Variants in APPBP2 observed in about 807,000 individuals in gnomAD.
APPBP2 encodes the protein amyloid beta precursor protein binding protein 2.
A neutral mutation model predicts 76.0 loss-of-function variants in APPBP2; 15 were observed. That is an observed-to-expected ratio of 0.20 (90% CI 0.13 to 0.30). The LOEUF is 0.30. Among genes scored for constraint, APPBP2 ranks in the 10% least tolerant of loss-of-function variants. The pLI, the probability that APPBP2 is intolerant of heterozygous loss-of-function variation, is 1.00. For missense variants in APPBP2, 401 were observed against 687.2 expected (o/e 0.58, Z 4.66); for synonymous variants, 222 against 242.2 (o/e 0.92, Z 0.77).
chr17:60,526,071 G>A lies in APPBP2; in HGVS notation c.-140C>T. 2.6e-6 allele frequency: 2 copies of A among 774,364 alleles called. No individual in the cohort carries two copies. Among genetic ancestry groups the A allele is most frequent in the Non-Finnish European group, 4.1e-6 (2 of 493,264 alleles). 48.0% of individuals were successfully genotyped at this position (774,364 alleles called of 1,614,324 possible). On this transcript the variant is annotated 5_prime_UTR_variant, in exon 1 of 13. Transcript: ENST00000083182. ...CGGGCGCACGGCAGAAGGCACGGCC[G>A]CCCTGCCTCCTCCGGGGGCAAACTG...
At chr17:60,487,962 G>A (rs780681688) in intron 3 of APPBP2, among the ~76,000 whole-genome samples, 8 of 152,324 alleles carry the variant, frequency 5.3e-5, no homozygotes, top group South Asian at 2.1e-4. Context: ...TCCCTCAGCT[G>A]CAGTCTGTTG....
intron 5 of APPBP2, 75 bp downstream of exon 5, chr17:60,466,216 A>G: frequency 7.4e-7 from 1 of 1,356,778 alleles, no homozygotes; most frequent in South Asian, 1.3e-5. Flanking sequence ...GAAAAATAAG[A>G]GAAGACTATT....
Position 60,447,904 on chromosome 17 carries a change from T to A in APPBP2, c.1505-70A>T, listed in dbSNP as rs539517112. 2.2e-6 allele frequency: 3 copies of A among 1,392,888 alleles called. No homozygotes were observed. In the African/African-American group the frequency reaches 4.4e-5, roughly 20 times the overall value. 86.3% of individuals were successfully genotyped at this position (1,392,888 alleles called of 1,614,324 possible). On this transcript the variant is annotated intron_variant, in intron 12 of 12. Transcript: ENST00000083182. ...GAGATAACAAGCAATTTCTATAACA[T>A]GAACACAAGTTCAATTCTTTAAACA...
intron 2 of APPBP2, among the ~76,000 whole-genome samples, chr17:60,497,043 T>G (rs1012440233): frequency 1.3e-5 from 2 of 152,208 alleles, no homozygotes; most frequent in Non-Finnish European, 2.9e-5. Flanking sequence ...TATTATCTTA[T>G]CATCTCTCTC....
chr17:60,520,071 A>G (rs1226263727), intron 1 of APPBP2, among the ~76,000 whole-genome samples: 2 of 152,098 alleles, frequency 1.3e-5, no homozygotes, highest in Non-Finnish European at 1.5e-5. Context: ...GACATAAGCC[A>G]CCATGCCCGG....
chr17:60,468,645 G>A (rs190063749), intron 4 of APPBP2: 1 of 148,354 alleles, frequency 6.7e-6, no homozygotes, highest in East Asian at 1.9e-4. Context: ...TAAACATATG[G>A]AGACTCTTTA....
At position 60,503,590 on chromosome 17, in the gene APPBP2, T is replaced by C. The variant is rs549361535; in HGVS notation, c.139-3103A>G. 6.0e-4 allele frequency among the ~76,000 whole-genome samples: 88 copies of C among 146,192 alleles called. 17 individuals carry two copies. The highest frequency in any genetic ancestry group is 2.4e-3 in the African/African-American group (86 of 35,758). On this transcript the variant is annotated intron_variant, in intron 1 of 12. Transcript: ENST00000083182. Reference sequence around the variant, plus strand: ...TAGTAGAGATGGGGTTTCACCATGTTGGCCAGGCTGGTCTTGAACTCCTGA... The same window carrying C: ...TAGTAGAGATGGGGTTTCACCATGTCGGCCAGGCTGGTCTTGAACTCCTGA...
At chr17:60,479,917 CAACGTAACAGATGAA>C (rs1217205195) in intron 3 of APPBP2, among the ~76,000 whole-genome samples, 1 of 152,130 alleles carries the variant, frequency 6.6e-6, no homozygotes, top group East Asian at 1.9e-4. Flanking sequence ...ATAACTGCCC[CAACGTAACAGATGAA>C]AACACTTGAG....
chr17:60,468,990 C>T (rs527898964), intron 4 of APPBP2, among the ~76,000 whole-genome samples: 14 of 152,142 alleles, frequency 9.2e-5, no homozygotes, highest in South Asian at 2.1e-4. Flanking sequence ...CCAGACATGA[C>T]GAAAGTAAAA....
chr17:60,494,719 A>G, intron 2 of APPBP2, 102 bp from the exon 3 acceptor site: 10 of 1,095,648 alleles, frequency 9.1e-6, no homozygotes, highest in Non-Finnish European at 1.2e-5. Flanking sequence ...ATTATTTTCC[A>G]GGACGGAATA....
chr17:60,508,416 T>C (rs1348632168), intron 1 of APPBP2, among the ~76,000 whole-genome samples: 1 of 152,092 alleles, frequency 6.6e-6, no homozygotes, highest in Non-Finnish European at 1.5e-5. Context: ...AAAATAACTT[T>C]TGGATAAATA....
At chr17:60,488,776 C>G (rs749540890) in intron 3 of APPBP2, among the ~76,000 whole-genome samples, 109 of 152,074 alleles carry the variant, frequency 7.2e-4, no homozygotes, top group Non-Finnish European at 1.4e-3. Flanking sequence ...CTTTCATCTT[C>G]TTTCATACTA....
chr17:60,495,132 G>A (rs1032743316), intron 2 of APPBP2, among the ~76,000 whole-genome samples: 1 of 151,516 alleles, frequency 6.6e-6, no homozygotes, highest in South Asian at 2.1e-4. Context: ...CTACAGGTAC[G>A]TGTCACCATG....
chr17:60,483,451 T>C (rs2090647435), intron 3 of APPBP2, among the ~76,000 whole-genome samples: 1 of 152,128 alleles, frequency 6.6e-6, no homozygotes. Context: ...TGGAGTGCAG[T>C]AGCGCAATCT....
chr17:60,525,038 TC>T (rs1283703466), intron 1 of APPBP2, among the ~76,000 whole-genome samples: 7 of 152,316 alleles, frequency 4.6e-5, no homozygotes, highest in African/African-American at 1.7e-4. Context: ...GACTTGCTGT[TC>T]AGATTTTTGA....
Position 60,444,456 on chromosome 17 carries a change from A to G in APPBP2, c.*3125T>C, listed in dbSNP as rs896267799. On this transcript the variant is annotated 3_prime_UTR_variant, in exon 13 of 13. Coordinates refer to ENST00000083182, the MANE Select transcript of APPBP2 (RefSeq NM_006380.5). ...TAAGGAGCAGCCAAATGGCACCTTC[A>G]TTATTTCTAAGATCGCAGCCTCTGT... The G allele has an allele frequency of 7.2e-5, 11 of 152,130 alleles. No individual in the cohort carries two copies. Among genetic ancestry groups the G allele is most frequent in the South Asian group, 2.1e-4 (1 of 4,828 alleles). 9.4% of individuals were successfully genotyped at this position (152,130 alleles called of 1,614,324 possible).
At chr17:60,523,271 T>C (rs78975343) in intron 1 of APPBP2, among the ~76,000 whole-genome samples, 2,805 of 152,084 alleles carry the variant, frequency 0.018, 136 homozygotes, top group East Asian at 0.14. Context: ...TGTGCAGTTA[T>C]ATTGCTTTAA....
intron 8 of APPBP2, chr17:60,461,522 A>T (rs930566844): frequency 2.1e-5 from 6 of 279,910 alleles, no homozygotes; most frequent in African/African-American, 1.3e-4. Context: ...ACATTTGCTA[A>T]ATCAACAACA....
chr17:60,525,879 A>G lies in APPBP2; in HGVS notation c.53T>C (p.Ile18Thr). Residue 18 changes from isoleucine (I) to threonine (T), a missense_variant, in exon 1 of 13, where the codon ATC becomes ACC. By Grantham distance (89) the Ile-to-Thr change is moderately conservative (BLOSUM62 -1). Coordinates refer to ENST00000083182, the MANE Select transcript of APPBP2 (RefSeq NM_006380.5). ...GATGTAGTTGTCCACGACAGCGGAG[A>G]TGGCGGTGTTATAGAGAGTCTCTGG... ...WIPETLYNTA[I>T]SAVVDNYIRS... 1.9e-6 allele frequency: 3 copies of G among 1,614,000 alleles called. No homozygotes were observed. Among genetic ancestry groups the G allele is most frequent in the Non-Finnish European group, 1.7e-6 (2 of 1,179,980 alleles).
Sources: allele counts gnomAD v4.1 joint callset (sites outside exome capture counted in the v4.1 genomes callset), GRCh38; gene constraint gnomAD v4.1.1; transcripts MANE v1.5; gene names NCBI Gene and HGNC (gene_info 2026-07-23, HGNC 2026-07-21).